Variants in TIAM1 observed in about 807,000 individuals in gnomAD.
The protein encoded by TIAM1 is TIAM Rac1 associated GEF 1.
In TIAM1, 65 loss-of-function variants were observed where a neutral mutation model predicts 163.5. The observed-to-expected ratio is 0.40, with a 90% confidence interval of 0.33 to 0.49. The LOEUF is 0.49. TIAM1 is among the 20% of genes least tolerant of loss of function. The pLI is 0.77. For missense variants in TIAM1, 1,789 were observed against 2,044.7 expected, an observed-to-expected ratio of 0.87 and a Z score of 2.41; for synonymous variants, 833 against 810.1, an observed-to-expected ratio of 1.03 and a Z score of -0.48.
chr21:31,179,328 A>G (rs1386248150), intron 15 of TIAM1, among the ~76,000 whole-genome samples: 2 of 151,996 alleles, frequency 1.3e-5, no homozygotes, highest in East Asian at 3.9e-4. Flanking sequence ...CGGAGGTTGC[A>G]GTGAGCCAAG....
chr21:31,484,847 G>A (rs965609429), intron 1 of TIAM1, among the ~76,000 whole-genome samples: 7 of 152,200 alleles, frequency 4.6e-5, no homozygotes, highest in African/African-American at 1.7e-4. Context: ...GTATCAGGAG[G>A]TGGGGCCTTT....
chr21:31,520,507 A>G (rs2047544060), intron 1 of TIAM1, among the ~76,000 whole-genome samples: 1 of 152,234 alleles, frequency 6.6e-6, no homozygotes, highest in Non-Finnish European at 1.5e-5. Context: ...AAAAAGAGAA[A>G]AGGCATTTGT....
chr21:31,395,506 C>G lies in TIAM1; in HGVS notation c.-368-56084G>C, dbSNP rs1569294669. Reference sequence around the variant, plus strand: ...GAGGTCATCTAAACACAGCCAATCACCAGATACGCCACAGAGGCGAAGAGA... The same window carrying G: ...GAGGTCATCTAAACACAGCCAATCAGCAGATACGCCACAGAGGCGAAGAGA... On this transcript the variant is annotated intron_variant, in intron 2 of 28. Coordinates refer to the TIAM1 transcript ENST00000286827. The surrounding 1 kb of genome is among the most constrained non-coding windows in gnomAD (Gnocchi z 7.5). 1.3e-5 allele frequency among the ~76,000 whole-genome samples: 2 copies of G among 152,138 alleles called. No individual in the cohort carries two copies. Among genetic ancestry groups the G allele is most frequent in the African/African-American group, 4.8e-5 (2 of 41,428 alleles).
intron 2 of TIAM1, among the ~76,000 whole-genome samples, chr21:31,381,410 G>A (rs558542829): frequency 2.0e-4 from 30 of 152,162 alleles, no homozygotes; most frequent in Admixed American, 3.3e-4. Flanking sequence ...GCTCACACCT[G>A]TAATCCTGGC....
chr21:31,308,691 T>C (rs1185838916), intron 2 of TIAM1, among the ~76,000 whole-genome samples: 2 of 152,074 alleles, frequency 1.3e-5, no homozygotes, highest in African/African-American at 4.8e-5. Context: ...ATGCAATGTG[T>C]GTGTGATGGA....
chr21:31,306,727 A>G (rs1156600074), intron 2 of TIAM1, among the ~76,000 whole-genome samples: 1 of 152,212 alleles, frequency 6.6e-6, no homozygotes, highest in Non-Finnish European at 1.5e-5. Flanking sequence ...CTTCCAAAGT[A>G]TCAACGTTGT....
intron 1 of TIAM1, among the ~76,000 whole-genome samples, chr21:31,554,646 T>A (rs1445098895): frequency 2.0e-5 from 3 of 152,194 alleles, no homozygotes; most frequent in Non-Finnish European, 4.4e-5. Flanking sequence ...ATCATCACTC[T>A]TTGTTTAACA....
At chr21:31,265,611 G>T (rs2072713237) in intron 4 of TIAM1, among the ~76,000 whole-genome samples, 1 of 151,826 alleles carries the variant, frequency 6.6e-6, no homozygotes, top group East Asian at 1.9e-4. Flanking sequence ...CCCACCTGCT[G>T]CAGTGAAGAA....
At chr21:31,218,482 T>C (rs556413963) in intron 8 of TIAM1, among the ~76,000 whole-genome samples, 71 of 152,060 alleles carry the variant, frequency 4.7e-4, no homozygotes, top group African/African-American at 1.3e-3. Flanking sequence ...GACAGGAGAA[T>C]TGCTTGAACC....
Position 31,141,225 on chromosome 21 carries a change from T to C in TIAM1, c.3667A>G (p.Thr1223Ala). 1.2e-6 allele frequency: 2 copies of C among 1,614,106 alleles called. No homozygotes were observed. The highest frequency in any genetic ancestry group is 1.7e-6 in the Non-Finnish European group (2 of 1,180,010). ...EHYHLDVAIKTMNKVASHINE... is the reference protein window; with the variant it reads ...EHYHLDVAIKAMNKVASHINE... The stretch of plus-strand genomic sequence containing the variant: ...ATGTGACTGGCAACCTTGTTCATGG[T>C]CTTGATGGCCACTGGAAGAAAACAG... The change falls in exon 22 of 28, where the codon ACC (threonine) becomes GCC (alanine). Residue 1223 changes from threonine to alanine, a missense_variant. Transcript: ENST00000541036. The surrounding 1 kb of genome is among the most constrained non-coding windows in gnomAD (Gnocchi z 4.7).
chr21:31,489,498 G>A (rs567895584), intron 1 of TIAM1, among the ~76,000 whole-genome samples: 12 of 93,212 alleles, frequency 1.3e-4, no homozygotes, highest in African/African-American at 2.9e-4. Flanking sequence ...AGAGAGAGAG[G>A]GAGGGAGACA....
intron 2 of TIAM1, among the ~76,000 whole-genome samples, chr21:31,422,959 G>A (rs927412177): frequency 4.6e-5 from 7 of 151,876 alleles, no homozygotes; most frequent in African/African-American, 7.3e-5. Context: ...GACATGGGGC[G>A]CTCCCTACAG....
At chr21:31,387,242 G>C (rs920843895) in intron 2 of TIAM1, among the ~76,000 whole-genome samples, 5 of 127,026 alleles carry the variant, frequency 3.9e-5, no homozygotes, top group South Asian at 2.6e-4. Flanking sequence ...GCACAGTTGA[G>C]ACAGGGTCTC....
At position 31,495,716 on chromosome 21, in the gene TIAM1, T is replaced by G. The variant is rs1207048958; in HGVS notation, c.-421-31681A>C. On this transcript the variant is annotated intron_variant, in intron 1 of 28. Transcript: ENST00000286827. ...CAGGCGCAGTGGCTCACGCCTGTAA[T>G]CCCGGCACTTTGGGAGGCCAAGGCG... 3.4e-4 allele frequency among the ~76,000 whole-genome samples: 52 copies of G among 152,196 alleles called. 1 individual carries two copies. Among genetic ancestry groups the G allele is most frequent in the Admixed American group, 3.4e-3 (52 of 15,276 alleles).
chr21:31,458,203 T>G (rs992612207), intron 2 of TIAM1, among the ~76,000 whole-genome samples: 2 of 152,116 alleles, frequency 1.3e-5, no homozygotes, highest in Admixed American at 1.3e-4. Flanking sequence ...GTAGATCACC[T>G]AAGGTCAGGA....
At chr21:31,420,231 GAT>G (rs79165302) in intron 2 of TIAM1, among the ~76,000 whole-genome samples, 7,138 of 152,206 alleles carry the variant, frequency 0.047, 197 homozygotes, top group East Asian at 0.088. Flanking sequence ...TAATAATAAT[GAT>G]ATGTCATGGT....
chr21:31,453,549 C>T (rs974582632), intron 2 of TIAM1, among the ~76,000 whole-genome samples: 1 of 151,874 alleles, frequency 6.6e-6, no homozygotes, highest in Non-Finnish European at 1.5e-5. Context: ...AAAAATTAGC[C>T]GGGTGTGGTG....
intron 22 of TIAM1, among the ~76,000 whole-genome samples, chr21:31,140,476 C>A (rs563476329): frequency 6.6e-6 from 1 of 152,162 alleles, no homozygotes; most frequent in Non-Finnish European, 1.5e-5. Context: ...CAGGGGTACA[C>A]AGTAATGCTT....
intron 1 of TIAM1, among the ~76,000 whole-genome samples, chr21:31,467,170 C>T (rs1285570400): frequency 2.0e-5 from 3 of 152,160 alleles, no homozygotes; most frequent in African/African-American, 7.2e-5. Flanking sequence ...TCCATAAAAA[C>T]TTCTTTTAAA....
Sources: gnomAD v4.1 joint callset for allele counts (sites outside exome capture counted in the v4.1 genomes callset) on GRCh38, gnomAD v4.1.1 for gene constraint, Gnocchi (gnomAD v3.1) non-coding constraint, MANE v1.5 for transcripts, NCBI Gene and HGNC (gene_info 2026-07-23, HGNC 2026-07-21) for gene names.